KAT6B: variants seen among roughly 807,000 people sequenced by gnomAD.
The protein encoded by KAT6B is lysine acetyltransferase 6B.
KAT6B carries 10 observed loss-of-function variants against 187.5 expected under a neutral mutation model. That is an observed-to-expected ratio of 0.05 (90% CI 0.03 to 0.09). The LOEUF (loss-of-function observed/expected upper bound fraction) is 0.09. Ranked by LOEUF, KAT6B falls within the 10% of genes least tolerant of loss-of-function variation. The pLI, the probability that KAT6B is intolerant of heterozygous loss-of-function variation, is 1.00. For missense variants in KAT6B, 1,952 were observed against 2,558.9 expected, an observed-to-expected ratio of 0.76 and a Z score of 5.12; for synonymous variants, 861 against 926.8, an observed-to-expected ratio of 0.93 and a Z score of 1.29.
At chr10:74,930,982 A>G (rs1848831116) in intron 3 of KAT6B, among the ~76,000 whole-genome samples, 1 of 152,238 alleles carries the variant, frequency 6.6e-6, no homozygotes, top group Non-Finnish European at 1.5e-5. Context: ...TTGGATAACA[A>G]TATTTAATTA....
chr10:74,870,958 A>C (rs1403252728), intron 3 of KAT6B, among the ~76,000 whole-genome samples: 5 of 137,762 alleles, frequency 3.6e-5, no homozygotes, highest in African/African-American at 1.4e-4. Flanking sequence ...GCTCACTGCA[A>C]CCTCTGCCTC....
At chr10:74,935,368 A>G (rs890478767) in intron 3 of KAT6B, among the ~76,000 whole-genome samples, 3 of 149,924 alleles carry the variant, frequency 2.0e-5, no homozygotes, top group Admixed American at 2.0e-4. Flanking sequence ...TAGAAAATGA[A>G]AACAATATAT....
chr10:74,843,526 C>T (rs141834006), intron 3 of KAT6B, 48 bp downstream of exon 3: 1 of 1,607,104 alleles, frequency 6.2e-7, no homozygotes, highest in African/African-American at 1.3e-5. Context: ...GTCCTTTTGT[C>T]TTTTACGGTT....
chr10:74,980,236 C>T (rs1460673912), intron 10 of KAT6B, among the ~76,000 whole-genome samples: 2 of 152,130 alleles, frequency 1.3e-5, no homozygotes, highest in South Asian at 2.1e-4. Context: ...AGCCTGTGAA[C>T]GAATATATCC....
chr10:74,923,805 T>C (rs550000208), intron 3 of KAT6B, among the ~76,000 whole-genome samples: 2 of 152,142 alleles, frequency 1.3e-5, no homozygotes, highest in South Asian at 4.2e-4. Context: ...CTTTGCAGGG[T>C]TTTGAACAGA....
In KAT6B at chr10:75,028,539, C is replaced by T; in HGVS notation, c.3715C>T (p.Pro1239Ser). 1.2e-6 allele frequency: 2 copies of T among 1,614,156 alleles called. No homozygotes were observed. Among genetic ancestry groups the T allele is most frequent in the Non-Finnish European group, 1.7e-6 (2 of 1,180,038 alleles). ...CTTGAAAGAAGGCAGTAAAGACAAT[C>T]CCGAACCTCTAAAGTGCAAACAAGT... ...SNLKEGSKDNPEPLKCKQVWP... is the reference protein window; with the variant it reads ...SNLKEGSKDNSEPLKCKQVWP... Residue 1239 changes from proline to serine, a missense_variant, in exon 18 of 18, where the codon CCC becomes TCC. Coordinates refer to ENST00000287239, the MANE Select transcript of KAT6B (RefSeq NM_012330.4).
At chr10:74,974,552 G>A (rs1428697966) in intron 7 of KAT6B, among the ~76,000 whole-genome samples, 6 of 152,170 alleles carry the variant, frequency 3.9e-5, no homozygotes, top group Admixed American at 2.0e-4. Flanking sequence ...ACAGTCGGCC[G>A]CTGTTCATGT....
intron 3 of KAT6B, among the ~76,000 whole-genome samples, chr10:74,935,853 A>G (rs1849230775): frequency 6.6e-6 from 1 of 152,240 alleles, no homozygotes; most frequent in African/African-American, 2.4e-5. Context: ...TTTCAAAAGT[A>G]GTCACTTATC....
At chr10:74,827,588 G>C (rs1369336851) in intron 1 of KAT6B, among the ~76,000 whole-genome samples, 1 of 152,064 alleles carries the variant, frequency 6.6e-6, no homozygotes, top group Non-Finnish European at 1.5e-5. Flanking sequence ...AGACAGCAGA[G>C]CAAACTTAAA....
intron 13 of KAT6B, among the ~76,000 whole-genome samples, chr10:75,020,380 G>A (rs1252499164): frequency 6.6e-6 from 1 of 152,196 alleles, no homozygotes; most frequent in Non-Finnish European, 1.5e-5. Context: ...TTGACTTAGA[G>A]TGCCACTGTC....
At chr10:74,893,644 A>G (rs955723725) in intron 3 of KAT6B, among the ~76,000 whole-genome samples, 3 of 150,702 alleles carry the variant, frequency 2.0e-5, no homozygotes, top group Non-Finnish European at 4.4e-5. Context: ...TAATTTTTGT[A>G]TTTTTAATAG....
intron 3 of KAT6B, among the ~76,000 whole-genome samples, chr10:74,929,104 T>C (rs1008841953): frequency 6.6e-6 from 1 of 152,258 alleles, no homozygotes; most frequent in Admixed American, 6.5e-5. Context: ...GGTTTGGGCC[T>C]CATTGCTTAT....
rs548345442 is a variant in KAT6B at position 74,879,257 on chromosome 10, C to T, written c.621+35779C>T. On this transcript the variant is annotated intron_variant, in intron 3 of 17. Transcript: ENST00000287239. ...TCTGGGGTGATCAAGCATCCTGGGT[C>T]GCCTGGGACCAAGTGGTTTTCTGGG... Among the ~76,000 whole-genome samples the T allele has an allele frequency of 1.2e-4, 19 of 152,118 alleles. 1 individual carries two copies. The highest frequency in any genetic ancestry group is 2.6e-4 in the Admixed American group (4 of 15,276).
intron 17 of KAT6B, chr10:75,025,598 G>A: frequency 3.6e-6 from 1 of 277,762 alleles, no homozygotes; most frequent in Non-Finnish European, 7.0e-6. Context: ...AGTTATTTCT[G>A]AAATCAAGGT....
At chr10:74,983,002 C>T (rs915361370) in intron 11 of KAT6B, 6 of 152,142 alleles carry the variant, frequency 3.9e-5, no homozygotes, top group Non-Finnish European at 8.8e-5. Flanking sequence ...AGGTCTGGGC[C>T]CACTAGTTTT....
At chr10:74,851,900 G>C (rs1305137597) in intron 3 of KAT6B, among the ~76,000 whole-genome samples, 1 of 152,120 alleles carries the variant, frequency 6.6e-6, no homozygotes, top group Non-Finnish European at 1.5e-5. Context: ...CTTTTCTTCT[G>C]TTTTCTCCAT....
At chr10:74,916,372 A>G (rs931167728) in intron 3 of KAT6B, among the ~76,000 whole-genome samples, 2 of 152,128 alleles carry the variant, frequency 1.3e-5, no homozygotes, top group Admixed American at 1.3e-4. Context: ...TATTTTTACA[A>G]TCTCAACAGT....
At chr10:74,871,655 TACTC>T (rs1843985055) in intron 3 of KAT6B, among the ~76,000 whole-genome samples, 1 of 152,206 alleles carries the variant, frequency 6.6e-6, no homozygotes, top group African/African-American at 2.4e-5. Context: ...AATATAGAGA[TACTC>T]TGTCTCTACA....
At chr10:74,858,816 A>G (rs1321970516) in intron 3 of KAT6B, among the ~76,000 whole-genome samples, 1 of 151,938 alleles carries the variant, frequency 6.6e-6, no homozygotes, top group Middle Eastern at 3.4e-3. Flanking sequence ...TTAGCTGGGC[A>G]TGGTGGCTCA....
Sources: gnomAD v4.1 joint callset for allele counts (sites outside exome capture counted in the v4.1 genomes callset) on GRCh38, gnomAD v4.1.1 for gene constraint, MANE v1.5 for transcripts, NCBI Gene and HGNC (gene_info 2026-07-23, HGNC 2026-07-21) for gene names.